FABP6: variants seen among roughly 807,000 people sequenced by gnomAD.
The protein encoded by FABP6 is fatty acid binding protein 6.
Under a neutral mutation model 14.9 loss-of-function variants are expected in FABP6, and 13 were observed. The observed-to-expected ratio is 0.87, with a 90% confidence interval of 0.57 to 1.39. The LOEUF is 1.39. FABP6 is among the 40% of genes most tolerant of loss of function. The pLI is 0.00. For synonymous variants in FABP6, 75 were observed against 63.6 expected (o/e 1.18, Z -0.85); for missense variants, 161 against 167.2 (o/e 0.96, Z 0.20).
At chr5:160,194,457 G>A (rs1297185714) in intron 1 of FABP6, among the ~76,000 whole-genome samples, 1 of 152,090 alleles carries the variant, frequency 6.6e-6, no homozygotes, top group Non-Finnish European at 1.5e-5. Context: ...CTGCCAGCAC[G>A]CTGTTATCTC....
intron 2 of FABP6, among the ~76,000 whole-genome samples, chr5:160,201,557 A>G (rs1379128687): frequency 6.6e-6 from 1 of 152,158 alleles, no homozygotes; most frequent in Non-Finnish European, 1.5e-5. Flanking sequence ...ATGGTAGCCA[A>G]ATGCAATGCC....
At chr5:160,191,983 A>AAAAAAAGAG (rs1759404020) in intron 1 of FABP6, among the ~76,000 whole-genome samples, 1 of 151,446 alleles carries the variant, frequency 6.6e-6, no homozygotes, top group Non-Finnish European at 1.5e-5. Context: ...CAAAAAAAGA[A>AAAAAAAGAG]AAAAAAGAAA....
At chr5:160,226,896 A>G (rs7700638), upstream of FABP6, among the ~76,000 whole-genome samples, 935 of 152,342 alleles carry the variant, frequency 6.1e-3, 9 homozygotes, top group African/African-American at 0.021. Context: ...TAATAGATAT[A>G]CAAATTTTAA....
intron 1 of FABP6, chr5:160,198,091 G>A (rs1759553313): frequency 6.6e-6 from 1 of 152,344 alleles, no homozygotes; most frequent in South Asian, 2.1e-4. Context: ...AAGACAGAAG[G>A]AGAGAGCTAG....
chr5:160,224,775 CCTTTTTTTTT>C (rs1387097340), upstream of FABP6, among the ~76,000 whole-genome samples: 1 of 143,040 alleles, frequency 7.0e-6, no homozygotes, highest in Non-Finnish European at 1.5e-5. Flanking sequence ...ATAATTTTTT[CCTTTTTTTTT>C]CTTTTTTTTT....
chr5:160,200,004 G>A (rs914365045), intron 2 of FABP6, among the ~76,000 whole-genome samples: 1 of 152,218 alleles, frequency 6.6e-6, no homozygotes, highest in South Asian at 2.1e-4. Flanking sequence ...GACGTCCTGT[G>A]ATGGAAAAGG....
intron 3 of FABP6, chr5:160,213,864 G>C: frequency 2.6e-6 from 4 of 1,525,752 alleles, no homozygotes; most frequent in Middle Eastern, 1.7e-4. Flanking sequence ...ACGTTTTTCA[G>C]ATTCTGGTTC....
chr5:160,235,387 G>A (rs778849014), intron 3 of FABP6, among the ~76,000 whole-genome samples: 9 of 152,164 alleles, frequency 5.9e-5, no homozygotes, highest in Admixed American at 2.0e-4. Context: ...TTGCACTTCC[G>A]TGTGAAATCT....
intron 2 of FABP6, among the ~76,000 whole-genome samples, chr5:160,202,707 G>A (rs1025605648): frequency 3.3e-5 from 5 of 151,680 alleles, no homozygotes; most frequent in South Asian, 2.1e-4. Flanking sequence ...GGGAGGCTGA[G>A]GCAGGAGAAT....
intron 2 of FABP6, among the ~76,000 whole-genome samples, chr5:160,207,462 CAGAG>C (rs1759791846): frequency 6.6e-6 from 1 of 152,074 alleles, no homozygotes; most frequent in Non-Finnish European, 1.5e-5. Context: ...TTTTTTATAA[CAGAG>C]AGGAGTTACC....
chr5:160,212,561 C>CAGGT (rs1410702659), intron 2 of FABP6, among the ~76,000 whole-genome samples: 2 of 150,472 alleles, frequency 1.3e-5, no homozygotes, highest in Non-Finnish European at 3.0e-5. Flanking sequence ...CTCCGCCTCC[C>CAGGT]AGGTTCACGC....
chr5:160,199,689 G>T (rs1759591313), intron 2 of FABP6, among the ~76,000 whole-genome samples: 1 of 152,030 alleles, frequency 6.6e-6, no homozygotes, highest in African/African-American at 2.4e-5. Context: ...CCCCTCCTTC[G>T]TCTCCATTAG....
intron 3 of FABP6, among the ~76,000 whole-genome samples, chr5:160,237,234 G>A (rs1014031170): frequency 6.6e-6 from 1 of 152,072 alleles, no homozygotes; most frequent in Non-Finnish European, 1.5e-5. Context: ...GGCCTGACAA[G>A]AGAATTGATC....
intron 3 of FABP6, among the ~76,000 whole-genome samples, chr5:160,224,003 G>A (rs551914652): frequency 1.4e-4 from 21 of 151,814 alleles, no homozygotes; most frequent in East Asian, 7.9e-4. Flanking sequence ...TTGGGAGGCC[G>A]AGGCGGGCAG....
At chr5:160,230,986 A>G (rs760583233) in intron 1 of FABP6, among the ~76,000 whole-genome samples, 1 of 152,244 alleles carries the variant, frequency 6.6e-6, no homozygotes, top group Non-Finnish European at 1.5e-5. Flanking sequence ...CCAATGAGAC[A>G]GTGGATCTGA....
At chr5:160,228,717 G>A (rs1188069113), upstream of FABP6, 10 of 354,700 alleles carry the variant, frequency 2.8e-5, no homozygotes, top group Non-Finnish European at 3.9e-5. Context: ...CCCATGGGTG[G>A]CTGCTTTACT....
At chr5:160,212,671 G>C (rs191186853) in intron 2 of FABP6, among the ~76,000 whole-genome samples, 5 of 151,504 alleles carry the variant, frequency 3.3e-5, no homozygotes, top group African/African-American at 4.9e-5. Flanking sequence ...GGGTTTCACC[G>C]TGTTAGCCAG....
intron 2 of FABP6, among the ~76,000 whole-genome samples, chr5:160,204,222 C>A (rs1759710052): frequency 6.6e-6 from 1 of 151,602 alleles, no homozygotes; most frequent in Non-Finnish European, 1.5e-5. Context: ...ACTTGGGAGG[C>A]AGAAGCATTG....
At chr5:160,214,131 CTTTCTT>C (rs1349708160) in intron 3 of FABP6, among the ~76,000 whole-genome samples, 2 of 146,052 alleles carry the variant, frequency 1.4e-5, no homozygotes, top group Non-Finnish European at 3.0e-5. Context: ...TTCTTTCTTT[CTTTCTT>C]TCTTTCTTTC....
Sources: allele counts gnomAD v4.1 joint callset (sites outside exome capture counted in the v4.1 genomes callset), GRCh38; gene constraint gnomAD v4.1.1; transcripts MANE v1.5; gene names NCBI Gene and HGNC (gene_info 2026-07-23, HGNC 2026-07-21).